RGS7BP: variants seen among roughly 807,000 people sequenced by gnomAD.
RGS7BP encodes the protein regulator of G protein signaling 7 binding protein, also known as regulator of G protein signaling 7-binding protein.
Under a neutral mutation model 31.3 loss-of-function variants are expected in RGS7BP, and 9 were observed. The observed-to-expected ratio is 0.29, with a 90% CI of 0.17 to 0.50. The LOEUF (loss-of-function observed/expected upper bound fraction) is 0.50, where lower values mean the gene tolerates loss of function less well. RGS7BP is among the 20% of genes least tolerant of loss of function. The pLI, the probability that RGS7BP is intolerant of heterozygous loss-of-function variation, is 0.98. For missense variants in RGS7BP, 274 were observed against 322.0 expected (o/e 0.85, Z 1.14); for synonymous variants, 115 against 120.1 (o/e 0.96, Z 0.28).
At chr5:64,540,981 G>A (rs1307276859) in intron 2 of RGS7BP, among the ~76,000 whole-genome samples, 2 of 152,174 alleles carry the variant, frequency 1.3e-5, no homozygotes. Flanking sequence ...CTCGGTGTTG[G>A]CATGAACGCT....
intron 2 of RGS7BP, among the ~76,000 whole-genome samples, chr5:64,529,476 G>C (rs272639): frequency 0.7 from 105,725 of 152,022 alleles, 37,597 homozygotes; most frequent in East Asian, 0.96. Context: ...AGATCACAGG[G>C]TTTACTGAAA....
At chr5:64,556,436 C>CAG (rs1580427889) in intron 2 of RGS7BP, among the ~76,000 whole-genome samples, 1 of 140,002 alleles carries the variant, frequency 7.1e-6, no homozygotes, top group East Asian at 2.0e-4. Flanking sequence ...CACACACACA[C>CAG]ACACACACAC....
intron 3 of RGS7BP, among the ~76,000 whole-genome samples, chr5:64,577,683 A>G (rs1742473512): frequency 6.6e-6 from 1 of 152,124 alleles, no homozygotes; most frequent in African/African-American, 2.4e-5. Context: ...TTGAATACTT[A>G]TGACATCCAA....
Position 64,564,044 on chromosome 5 carries a change from T to C in RGS7BP, c.333-11730T>C, listed in dbSNP as rs145999527. ...TTGTGTTAGTGTTAGCATCACTCTC[T>C]AGTCAAAAGAGTTAACTCCCTATCT... On this transcript the variant is annotated intron_variant, in intron 2 of 5. Coordinates refer to ENST00000334025, the MANE Select transcript of RGS7BP (RefSeq NM_001029875.3). Among the ~76,000 whole-genome samples the C allele has an allele frequency of 4.8e-3, 728 of 152,278 alleles. 5 individuals carry two copies. The highest frequency in any genetic ancestry group is 0.017 in the African/African-American group (708 of 41,558).
At chr5:64,530,887 A>G (rs1385144602) in intron 2 of RGS7BP, among the ~76,000 whole-genome samples, 2 of 152,150 alleles carry the variant, frequency 1.3e-5, no homozygotes, top group Non-Finnish European at 2.9e-5. Flanking sequence ...ACAAGAGAAA[A>G]GGGGTTGGAA....
intron 2 of RGS7BP, among the ~76,000 whole-genome samples, chr5:64,525,345 C>G (rs185705188): frequency 1.2e-3 from 181 of 152,288 alleles, no homozygotes; most frequent in African/African-American, 4.2e-3. Context: ...TGTATTCCTT[C>G]CTAGATGTCT....
chr5:64,593,537 T>C (rs1395437855), intron 3 of RGS7BP, among the ~76,000 whole-genome samples: 1 of 152,330 alleles, frequency 6.6e-6, no homozygotes, highest in South Asian at 2.1e-4. Flanking sequence ...TCTGGAGTTA[T>C]ATCTGCATGA....
At chr5:64,569,632 C>T (rs762091452) in intron 2 of RGS7BP, among the ~76,000 whole-genome samples, 103 of 152,050 alleles carry the variant, frequency 6.8e-4, no homozygotes, top group Non-Finnish European at 1.4e-3. Context: ...CCAATGATTA[C>T]GTAGATGTAT....
Position 64,506,731 on chromosome 5 carries a change from G to A in RGS7BP, c.107G>A (p.Arg36Lys), listed in dbSNP as rs1415985297. ...CTGCAGAGCGGAGATTGGGAGCGCA[G>A]GGGCAGCGGCTCCGAGAGCGCCCAC... is the stretch of plus-strand genomic sequence containing the variant. ...PPLQSGDWERRGSGSESAHKT... is the reference protein window; with the variant it reads ...PPLQSGDWERKGSGSESAHKT... Residue 36 changes from arginine to lysine, a missense_variant, in exon 1 of 6, where the codon AGG (arginine) becomes AAG (lysine). Around this residue, in one of 3 missense-constraint regions of RGS7BP, gnomAD observed 149 missense variants for 152.6 expected, o/e 0.98. Transcript: ENST00000334025. This position sits in a 1 kb window ranked among gnomAD's most constrained non-coding sequence, Gnocchi z 4.6. The A allele has an allele frequency of 1.2e-6, 2 of 1,607,678 alleles. No homozygotes were observed. The highest frequency in any genetic ancestry group is 2.2e-5 in the East Asian group (1 of 44,614).
In RGS7BP at chr5:64,606,037, TATAG is replaced by T. The variant is rs1324219183; in HGVS notation, c.683-3122_683-3119del. On this transcript the variant is annotated intron_variant, in intron 5 of 5. Coordinates refer to ENST00000334025, the MANE Select transcript of RGS7BP (RefSeq NM_001029875.3). ...ATCTGGATACATATATATATATATATATAGAGAGAGAGAGAGAGAGAGAAGGCTG... is the reference window on the plus strand; with the variant it reads ...ATCTGGATACATATATATATATATATAGAGAGAGAGAGAGAGAGAAGGCTG... Among the ~76,000 whole-genome samples the T allele has an allele frequency of 1.8e-3, 217 of 121,028 alleles. 1 individual carries two copies. The highest frequency in any genetic ancestry group is 5.0e-3 in the African/African-American group (166 of 32,980). 79.4% of individuals were successfully genotyped at this position (121,028 alleles called of 152,430 possible). A position where few individuals can be genotyped will look rare whatever the true frequency, so the allele number is the denominator to read the frequency against.
intron 2 of RGS7BP, among the ~76,000 whole-genome samples, chr5:64,542,258 G>C (rs1029001504): frequency 6.6e-6 from 1 of 152,314 alleles, no homozygotes; most frequent in East Asian, 1.9e-4. Flanking sequence ...GAAGGTGCCT[G>C]AGTCTACCAG....
Position 64,506,683 on chromosome 5 carries a change from T to C in RGS7BP, c.59T>C (p.Ile20Thr). 1.2e-6 allele frequency: 2 copies of C among 1,613,164 alleles called. No homozygotes were observed. Among genetic ancestry groups the C allele is most frequent in the Non-Finnish European group, 1.7e-6 (2 of 1,179,338 alleles). ...KRPSRSTRSSIFQISKPPLQS... is the reference protein window; with the variant it reads ...KRPSRSTRSSTFQISKPPLQS... Reference sequence around the variant, plus strand: ...CCCAGCCGGTCCACCCGCTCCTCGATCTTCCAGATCAGCAAGCCCCCGCTG... The same window carrying C: ...CCCAGCCGGTCCACCCGCTCCTCGACCTTCCAGATCAGCAAGCCCCCGCTG... Residue 20 changes from isoleucine (I) to threonine (T), a missense_variant, in exon 1 of 6, where the codon ATC becomes ACC. Ile to Thr is a moderately conservative substitution (Grantham distance 89, BLOSUM62 -1). Transcript: ENST00000334025. The surrounding 1 kb of genome is among the most constrained non-coding windows in gnomAD (Gnocchi z 4.6).
chr5:64,531,016 T>C (rs1402868159), intron 2 of RGS7BP, among the ~76,000 whole-genome samples: 1 of 152,174 alleles, frequency 6.6e-6, no homozygotes, highest in Non-Finnish European at 1.5e-5. Context: ...TAATTATCCC[T>C]TCCTCTTGGG....
intron 2 of RGS7BP, among the ~76,000 whole-genome samples, chr5:64,525,776 G>A (rs1210497531): frequency 1.3e-5 from 2 of 152,144 alleles, no homozygotes; most frequent in Non-Finnish European, 2.9e-5. Flanking sequence ...TATTTATTGT[G>A]AAGAATTTCT....
intron 3 of RGS7BP, among the ~76,000 whole-genome samples, chr5:64,593,105 A>T (rs557929655): frequency 1.3e-5 from 2 of 152,222 alleles, no homozygotes; most frequent in South Asian, 2.1e-4. Context: ...ATCACCCAGG[A>T]TCAATGCACA....
At chr5:64,597,270 T>A (rs1449871541) in intron 4 of RGS7BP, among the ~76,000 whole-genome samples, 1 of 151,956 alleles carries the variant, frequency 6.6e-6, no homozygotes, top group Non-Finnish European at 1.5e-5. Context: ...TGCTTTACAA[T>A]TCTGGGGTTT....
intron 2 of RGS7BP, among the ~76,000 whole-genome samples, chr5:64,539,054 T>G (rs138214146): frequency 2.0e-5 from 3 of 152,294 alleles, no homozygotes; most frequent in Non-Finnish European, 4.4e-5. Context: ...ATTGTTAGCT[T>G]TTGTTTGCTT....
intron 2 of RGS7BP, among the ~76,000 whole-genome samples, chr5:64,532,162 T>C (rs1286751507): frequency 6.6e-6 from 1 of 152,250 alleles, no homozygotes; most frequent in Non-Finnish European, 1.5e-5. Flanking sequence ...AGATTTATAC[T>C]TAAAGTTGGA....
intron 3 of RGS7BP, among the ~76,000 whole-genome samples, chr5:64,576,591 G>T (rs181191780): frequency 1.3e-5 from 2 of 152,300 alleles, no homozygotes. Flanking sequence ...CCCAGCTACG[G>T]AGAAAAAGTT....
Sources: allele counts gnomAD v4.1 joint callset (sites outside exome capture counted in the v4.1 genomes callset), GRCh38; gene constraint gnomAD v4.1.1; regional missense constraint gnomAD v4.1.1; non-coding constraint Gnocchi (gnomAD v3.1); transcripts MANE v1.5; gene names NCBI Gene and HGNC (gene_info 2026-07-23, HGNC 2026-07-21).